Variants in CAST observed in about 807,000 individuals in gnomAD.
CAST encodes MIR583 host.
A neutral mutation model predicts 119.6 loss-of-function variants in CAST; 76 were observed. The ratio of observed to expected loss-of-function variants is 0.64; its 90% CI spans 0.53 to 0.77. The LOEUF (loss-of-function observed/expected upper bound fraction) is 0.77. CAST is among the 30% of genes least tolerant of loss of function. The pLI, the probability that CAST is intolerant of heterozygous loss-of-function variation, is 0.00. For synonymous variants in CAST, 319 were observed against 331.6 expected, an observed-to-expected ratio of 0.96 and a Z score of 0.41; for missense variants, 953 against 946.5, an observed-to-expected ratio of 1.01 and a Z score of -0.09.
chr5:96,751,070 C>A (rs1764939265), intron 20 of CAST, among the ~76,000 whole-genome samples: 1 of 152,122 alleles, frequency 6.6e-6, no homozygotes, highest in East Asian at 1.9e-4. Context: ...GATTCCTCCC[C>A]ACTCTTCCCA....
chr5:96,759,403 A>G (rs1460022480), intron 24 of CAST, among the ~76,000 whole-genome samples: 1 of 152,190 alleles, frequency 6.6e-6, no homozygotes, highest in East Asian at 1.9e-4. Context: ...ATTTTAAAAC[A>G]TCAAAGATAT....
intron 1 of CAST, among the ~76,000 whole-genome samples, chr5:96,603,836 C>T (rs914497623): frequency 7.2e-6 from 1 of 139,500 alleles, no homozygotes; most frequent in Non-Finnish European, 1.5e-5. Flanking sequence ...ATGATCATGG[C>T]TCACTGCAGC....
At chr5:96,344,638 C>A in the CAST span, among the ~76,000 whole-genome samples, 1 of 152,010 alleles carries the variant, frequency 6.6e-6, no homozygotes, top group Non-Finnish European at 1.5e-5. Flanking sequence ...TTCCTTTAGT[C>A]TTCATTTATT....
chr5:96,603,615 G>A (rs765669868), intron 1 of CAST, among the ~76,000 whole-genome samples: 6 of 152,060 alleles, frequency 3.9e-5, no homozygotes, highest in Non-Finnish European at 5.9e-5. Flanking sequence ...CCTGACTGGG[G>A]CTGTTTTACA....
chr5:96,590,284 G>A (rs1369275197), intron 1 of CAST, among the ~76,000 whole-genome samples: 1 of 152,202 alleles, frequency 6.6e-6, no homozygotes, highest in Non-Finnish European at 1.5e-5. Context: ...TGATACACAA[G>A]CATATAAAAA....
chr5:96,516,360 T>C, the CAST span, among the ~76,000 whole-genome samples: 27 of 144,490 alleles, frequency 1.9e-4, no homozygotes, highest in Middle Eastern at 3.5e-3. Flanking sequence ...TTTCCAGTTA[T>C]GTGAAAATAA....
At chr5:96,513,633 G>A in the CAST span, among the ~76,000 whole-genome samples, 1 of 152,220 alleles carries the variant, frequency 6.6e-6, no homozygotes, top group Non-Finnish European at 1.5e-5. Flanking sequence ...CTCTGGAGAA[G>A]ATGGTAGTTA....
chr5:95,968,798 G>A, the CAST span, among the ~76,000 whole-genome samples: 1 of 151,940 alleles, frequency 6.6e-6, no homozygotes, highest in Admixed American at 6.6e-5. Flanking sequence ...CTTTTGCCTT[G>A]GGTTTTGGAA....
the CAST span, among the ~76,000 whole-genome samples, chr5:96,130,093 A>G: frequency 6.8e-6 from 1 of 147,592 alleles, no homozygotes; most frequent in Non-Finnish European, 1.5e-5. Context: ...AGTACCTGTG[A>G]AAAAAGGGTT....
the CAST span, among the ~76,000 whole-genome samples, chr5:96,382,547 T>C: frequency 1.3e-5 from 2 of 152,210 alleles, no homozygotes; most frequent in African/African-American, 4.8e-5. Context: ...ACATATTTAA[T>C]GGCTATTGCA....
intron 5 of CAST, 146 bp from the exon 6 acceptor site, chr5:96,727,339 TAACA>T: frequency 1.9e-6 from 1 of 516,816 alleles, no homozygotes; most frequent in East Asian, 3.1e-5. Flanking sequence ...AAGCAAAGTG[TAACA>T]AACTTAACTG....
chr5:96,327,050 A>G, the CAST span, among the ~76,000 whole-genome samples: 1 of 152,314 alleles, frequency 6.6e-6, no homozygotes, highest in East Asian at 1.9e-4. Flanking sequence ...ATCATGGGCA[A>G]GGGGATGGTT....
At chr5:96,093,981 T>C in the CAST span, among the ~76,000 whole-genome samples, 1 of 151,732 alleles carries the variant, frequency 6.6e-6, no homozygotes, top group Non-Finnish European at 1.5e-5. Context: ...GCAATCTTCC[T>C]GTCCTCATGT....
upstream of CAST, among the ~76,000 whole-genome samples, chr5:96,520,476 C>A (rs904781149): frequency 6.6e-6 from 1 of 152,088 alleles, no homozygotes; most frequent in Non-Finnish European, 1.5e-5. Flanking sequence ...CTCAACCAGA[C>A]CTGACTCTGA....
intron 1 of CAST, among the ~76,000 whole-genome samples, chr5:96,621,564 A>G (rs553807159): frequency 6.6e-6 from 1 of 152,270 alleles, no homozygotes; most frequent in South Asian, 2.1e-4. Context: ...CACTTACAAA[A>G]CCATCAGATT....
the CAST span, among the ~76,000 whole-genome samples, chr5:96,299,785 T>C: frequency 1.6e-4 from 25 of 152,356 alleles, no homozygotes; most frequent in South Asian, 2.5e-3. Context: ...ATTTTTATTA[T>C]ATATTGACAA....
At chr5:96,194,146 A>G in the CAST span, among the ~76,000 whole-genome samples, 166 of 152,292 alleles carry the variant, frequency 1.1e-3, 1 homozygote, top group African/African-American at 3.8e-3. Context: ...GCTTGAATAC[A>G]CCTGACTAGA....
At chr5:96,619,626 C>G (rs114287327) in intron 1 of CAST, among the ~76,000 whole-genome samples, 8 of 152,196 alleles carry the variant, frequency 5.3e-5, no homozygotes, top group Non-Finnish European at 5.9e-5. Context: ...ACGCTCACTG[C>G]GAAGGTCTAC....
chr5:96,707,771 T>C lies in CAST; in HGVS notation c.210+11864T>C, dbSNP rs577463858. ...ATTAAAGCGCTTAGTATGCAAGTAT[T>C]CTCCCTGAGCTCTATAATGGACTGA... On this transcript the variant is annotated intron_variant, in intron 3 of 31. Transcript: ENST00000675179. Among the ~76,000 whole-genome samples, 164 of 152,196 alleles carry C rather than the reference T, an allele frequency of 1.1e-3. 1 individual carries two copies. The South Asian group carries it at 0.032, about 30-fold the overall frequency.
Sources: allele counts gnomAD v4.1 joint callset (sites outside exome capture counted in the v4.1 genomes callset), GRCh38; gene constraint gnomAD v4.1.1; transcripts MANE v1.5; gene names NCBI Gene and HGNC (gene_info 2026-07-23, HGNC 2026-07-21).